The following GRM8 variants were observed in gnomAD, a reference collection of about 807,000 sequenced individuals.
GRM8 encodes metabotropic glutamate receptor 8.
GRM8 carries 47 observed loss-of-function variants against 87.2 expected under a neutral mutation model. The ratio of observed to expected loss-of-function variants is 0.54; its 90% CI spans 0.43 to 0.69. GRM8 has a LOEUF of 0.69. Ranked by LOEUF, GRM8 falls within the 30% of genes least tolerant of loss-of-function variation. GRM8 has a pLI of 0.00. For synonymous variants in GRM8, 396 were observed against 404.5 expected (o/e 0.98, Z 0.25); for missense variants, 1,019 against 1,139.2 (o/e 0.89, Z 1.52).
intron 7 of GRM8, among the ~76,000 whole-genome samples, chr7:126,645,083 G>A (rs1024931817): frequency 1.8e-4 from 28 of 152,174 alleles, no homozygotes; most frequent in Admixed American, 1.8e-3. Flanking sequence ...AAGCTAGGAC[G>A]ATACTAGTCT....
chr7:127,002,167 T>C (rs1231216940), intron 3 of GRM8, among the ~76,000 whole-genome samples: 1 of 151,666 alleles, frequency 6.6e-6, no homozygotes, highest in Non-Finnish European at 1.5e-5. Context: ...CTAGAATGGA[T>C]GCATGTTGTT....
chr7:127,127,545 C>T (rs913921222), intron 2 of GRM8, among the ~76,000 whole-genome samples: 1 of 151,986 alleles, frequency 6.6e-6, no homozygotes, highest in African/African-American at 2.4e-5. Context: ...AGATTACATA[C>T]AATGTGATTC....
At chr7:126,564,836 A>G (rs1275042762) in intron 8 of GRM8, among the ~76,000 whole-genome samples, 1 of 152,200 alleles carries the variant, frequency 6.6e-6, no homozygotes, top group Non-Finnish European at 1.5e-5. Flanking sequence ...AACAAAATAC[A>G]AGCAAATCAA....
intron 2 of GRM8, among the ~76,000 whole-genome samples, chr7:127,152,574 C>A (rs1425982160): frequency 6.6e-6 from 1 of 152,176 alleles, no homozygotes; most frequent in Non-Finnish European, 1.5e-5. Flanking sequence ...AATCAGCAGA[C>A]TAGCTAATCT....
intron 9 of GRM8, among the ~76,000 whole-genome samples, chr7:126,478,272 C>T (rs1806239843): frequency 1.3e-5 from 2 of 152,120 alleles, no homozygotes; most frequent in African/African-American, 2.4e-5. Context: ...CTGAATGCCA[C>T]ATTTACTTTT....
chr7:127,170,551 A>G (rs2116317679), intron 2 of GRM8, among the ~76,000 whole-genome samples: 1 of 152,360 alleles, frequency 6.6e-6, no homozygotes, highest in Non-Finnish European at 1.5e-5. Flanking sequence ...GCATGTATAC[A>G]GCAGCACAAT....
At chr7:126,598,765 C>T (rs2151066758) in intron 8 of GRM8, among the ~76,000 whole-genome samples, 1 of 152,222 alleles carries the variant, frequency 6.6e-6, no homozygotes, top group African/African-American at 2.4e-5. Context: ...TCTCCTGAAG[C>T]TTAAATGTGA....
At chr7:126,588,114 G>C (rs908814872) in intron 8 of GRM8, among the ~76,000 whole-genome samples, 3 of 152,084 alleles carry the variant, frequency 2.0e-5, no homozygotes, top group Admixed American at 2.0e-4. Context: ...GAAATAACCT[G>C]AATGTAAAAA....
At chr7:126,503,496 T>A (rs77105956) in intron 9 of GRM8, among the ~76,000 whole-genome samples, 1,843 of 152,164 alleles carry the variant, frequency 0.012, 36 homozygotes, top group African/African-American at 0.038. Context: ...CAAGCCTTTT[T>A]TTCATTGTTG....
At chr7:126,547,341 T>A (rs529943713) in intron 8 of GRM8, among the ~76,000 whole-genome samples, 5 of 152,198 alleles carry the variant, frequency 3.3e-5, no homozygotes, top group African/African-American at 1.2e-4. Flanking sequence ...GAGGGAGGCA[T>A]CTAAAGTTAT....
At chr7:126,439,287 G>A in intron 10 of GRM8, 119 bp from the exon 11 acceptor site, 1 of 680,646 alleles carries the variant, frequency 1.5e-6, no homozygotes, top group South Asian at 1.7e-5. Flanking sequence ...TTTACAGCAT[G>A]TTACTCATTA....
At chr7:126,993,981 CAT>C (rs957783446) in intron 3 of GRM8, among the ~76,000 whole-genome samples, 3 of 152,180 alleles carry the variant, frequency 2.0e-5, no homozygotes, top group Non-Finnish European at 4.4e-5. Context: ...TGGGGTGGCA[CAT>C]GGCCTAGAAA....
intron 2 of GRM8, among the ~76,000 whole-genome samples, chr7:127,127,469 T>C (rs1272720277): frequency 6.6e-6 from 1 of 152,048 alleles, no homozygotes; most frequent in Non-Finnish European, 1.5e-5. Context: ...AATAAATTAC[T>C]GATGAACACA....
chr7:126,940,610 A>G (rs1488114874), intron 3 of GRM8, among the ~76,000 whole-genome samples: 1 of 152,184 alleles, frequency 6.6e-6, no homozygotes, highest in African/African-American at 2.4e-5. Context: ...AGAGCCCTTG[A>G]TCCTCCATCA....
At chr7:126,750,567 A>C (rs971296253) in intron 7 of GRM8, among the ~76,000 whole-genome samples, 4 of 152,122 alleles carry the variant, frequency 2.6e-5, no homozygotes, top group Non-Finnish European at 4.4e-5. Flanking sequence ...CATGAATGTT[A>C]ATATCCAAGC....
At chr7:126,836,489 C>T (rs1289194673) in intron 6 of GRM8, among the ~76,000 whole-genome samples, 1 of 151,924 alleles carries the variant, frequency 6.6e-6, no homozygotes, top group Non-Finnish European at 1.5e-5. Context: ...TGCTGAGCTG[C>T]CCCCTGCCTC....
intron 7 of GRM8, among the ~76,000 whole-genome samples, chr7:126,625,718 T>C (rs1237822845): frequency 6.6e-6 from 1 of 152,090 alleles, no homozygotes; most frequent in African/African-American, 2.4e-5. Context: ...GTGATATGCA[T>C]CTCAGGGAAG....
chr7:126,565,100 C>A (rs975989040), intron 8 of GRM8, among the ~76,000 whole-genome samples: 4 of 152,128 alleles, frequency 2.6e-5, no homozygotes, highest in African/African-American at 9.7e-5. Flanking sequence ...CAGGTAACAT[C>A]ACACTCAGTG....
intron 8 of GRM8, among the ~76,000 whole-genome samples, chr7:126,538,099 A>G (rs1816058484): frequency 6.6e-6 from 1 of 152,208 alleles, no homozygotes; most frequent in South Asian, 2.1e-4. Context: ...AATGTTTACC[A>G]ATAGTGATTT....
Sources: gnomAD v4.1 joint callset for allele counts (sites outside exome capture counted in the v4.1 genomes callset) on GRCh38, gnomAD v4.1.1 for gene constraint, MANE v1.5 for transcripts, NCBI Gene and HGNC (gene_info 2026-07-23, HGNC 2026-07-21) for gene names.